STK33: variants seen among roughly 807,000 people sequenced by gnomAD.
STK33 encodes the protein serine/threonine-protein kinase 33.
Under a neutral mutation model 58.0 loss-of-function variants are expected in STK33, and 52 were observed. That is an observed-to-expected ratio of 0.90 (90% CI 0.72 to 1.13). The LOEUF is 1.13. Among genes scored for constraint, STK33 ranks in the 50% most tolerant of loss-of-function variants. The pLI, the probability that STK33 is intolerant of heterozygous loss-of-function variation, is 0.00. For missense variants in STK33, 630 were observed against 604.2 expected (o/e 1.04, Z -0.45); for synonymous variants, 215 against 200.1 (o/e 1.07, Z -0.63).
At chr11:8,555,909 A>G (rs968443143) in intron 1 of STK33, among the ~76,000 whole-genome samples, 1 of 152,236 alleles carries the variant, frequency 6.6e-6, no homozygotes, top group Non-Finnish European at 1.5e-5. Flanking sequence ...TAAAAATGCC[A>G]TAAGAAGTCA....
the STK33 span, among the ~76,000 whole-genome samples, chr11:8,359,265 T>G: frequency 6.6e-6 from 1 of 152,192 alleles, no homozygotes; most frequent in Non-Finnish European, 1.5e-5. Context: ...GCTAGTTATA[T>G]GTCAGTGCTA....
chr11:8,554,949 G>T (rs532850032), intron 1 of STK33: 8 of 152,130 alleles, frequency 5.3e-5, no homozygotes, highest in Non-Finnish European at 8.8e-5. Flanking sequence ...CCTGTCATTT[G>T]CAACAATGTG....
At chr11:8,586,822 T>C (rs1421736418) in intron 1 of STK33, among the ~76,000 whole-genome samples, 1 of 78,220 alleles carries the variant, frequency 1.3e-5, no homozygotes, top group Non-Finnish European at 2.4e-5. Flanking sequence ...AGACTCTGTC[T>C]AAAAAAAAAA....
Sources: gnomAD v4.1 joint callset for allele counts (sites outside exome capture counted in the v4.1 genomes callset) on GRCh38, gnomAD v4.1.1 for gene constraint, MANE v1.5 for transcripts, NCBI Gene and HGNC (gene_info 2026-07-23, HGNC 2026-07-21) for gene names.